Variants in GPRC5C observed in about 807,000 individuals in gnomAD.
The protein encoded by GPRC5C is G protein-coupled receptor class C group 5 member C, also known as G protein-coupled receptor family C group 5 member C.
A neutral mutation model predicts 31.4 loss-of-function variants in GPRC5C; 22 were observed. The observed-to-expected ratio is 0.70, with a 90% CI of 0.50 to 1.00. GPRC5C has a LOEUF of 1.00. Among genes scored for constraint, GPRC5C ranks in the 50% least tolerant of loss-of-function variants. The pLI, the probability that GPRC5C is intolerant of heterozygous loss-of-function variation, is 0.00. For missense variants in GPRC5C, 557 were observed against 597.2 expected, an observed-to-expected ratio of 0.93 and a Z score of 0.70; for synonymous variants, 249 against 257.5, an observed-to-expected ratio of 0.97 and a Z score of 0.32.
At chr17:74,432,601 G>A (rs896230206) in intron 1 of GPRC5C, 1 of 791,002 alleles carries the variant, frequency 1.3e-6, no homozygotes, top group Middle Eastern at 6.3e-4. Flanking sequence ...GGGCAGAGGC[G>A]GGGGGACTGG....
downstream of GPRC5C, chr17:74,449,303 C>T: frequency 8.0e-7 from 1 of 1,254,104 alleles, no homozygotes; most frequent in Non-Finnish European, 1.1e-6. Flanking sequence ...AGTAGAGTCC[C>T]CTTTGACTCT....
chr17:74,448,824 T>TA, downstream of GPRC5C: 1 of 1,266,700 alleles, frequency 7.9e-7, no homozygotes, highest in Non-Finnish European at 1.0e-6. Context: ...CTTTTACAGG[T>TA]AAGCGAACTG....
At chr17:74,433,623 C>A in intron 1 of GPRC5C, 3 of 1,125,580 alleles carry the variant, frequency 2.7e-6, no homozygotes, top group African/African-American at 1.5e-5. Context: ...GGCTGTCAGT[C>A]GGGCCATCGT....
At chr17:74,439,661 G>C (rs1338438077) in intron 1 of GPRC5C, 84 bp from the exon 2 acceptor site, 10 of 1,306,912 alleles carry the variant, frequency 7.7e-6, no homozygotes, top group Non-Finnish European at 1.1e-5. Flanking sequence ...TATCTGCCTG[G>C]GTTTAGGTTG....
chr17:74,444,014 A>T, intron 3 of GPRC5C, 102 bp downstream of exon 3: 1 of 791,702 alleles, frequency 1.3e-6, no homozygotes, highest in South Asian at 1.6e-5. Context: ...GGTTGGGTGG[A>T]GGTGGTAAGG....
chr17:74,448,949 T>A, downstream of GPRC5C: 3 of 1,235,862 alleles, frequency 2.4e-6, no homozygotes, highest in Non-Finnish European at 3.2e-6. Context: ...CTTCCAGCCA[T>A]GTGGTTGAGA....
In GPRC5C at chr17:74,440,469, G is replaced by A. The variant is rs142124696; in HGVS notation, c.693G>A (p.Leu231=). ...LGAFLGAWPA[L]CGRYKRWRKH... is the part of the protein sequence containing the mutation. Reference sequence around the variant, plus strand: ...CCTTCCTGGGGGCCTGGCCCGCCCTGTGTGGCCGCTACAAGCGCTGGCGTA... The same window carrying A: ...CCTTCCTGGGGGCCTGGCCCGCCCTATGTGGCCGCTACAAGCGCTGGCGTA... Residue 231 remains leucine (L), a synonymous_variant, in exon 2 of 4, where the codon CTG becomes CTA. Coordinates refer to ENST00000392627, the MANE Select transcript of GPRC5C (RefSeq NM_022036.4). This position sits in a 1 kb window ranked among gnomAD's most constrained non-coding sequence, Gnocchi z 4.4. 4.3e-6 allele frequency: 7 copies of A among 1,614,018 alleles called. No individual in the cohort carries two copies. The highest frequency in any genetic ancestry group is 4.5e-5 in the East Asian group (2 of 44,896).
At chr17:74,442,500 A>G (rs1322960288) in intron 2 of GPRC5C, among the ~76,000 whole-genome samples, 5 of 152,072 alleles carry the variant, frequency 3.3e-5, no homozygotes, top group African/African-American at 4.8e-5. Context: ...CTCATCTGAC[A>G]TGACCTGGAA....
chr17:74,445,772 C>T (rs2055617259), intron 3 of GPRC5C: 1 of 152,084 alleles, frequency 6.6e-6, no homozygotes, highest in South Asian at 2.1e-4. Context: ...GGAGCCGGAA[C>T]AGGTACCTCA....
intron 1 of GPRC5C, among the ~76,000 whole-genome samples, chr17:74,437,505 C>G (rs2055449966): frequency 6.6e-6 from 1 of 152,160 alleles, no homozygotes; most frequent in Non-Finnish European, 1.5e-5. Flanking sequence ...TTTCAAGTGG[C>G]ATGGAGACTA....
chr17:74,446,919 C>G lies in GPRC5C; in HGVS notation c.1217C>G (p.Ser406Trp), dbSNP rs367570368. 8.7e-6 allele frequency: 14 copies of G among 1,613,958 alleles called. No individual in the cohort carries two copies. The highest frequency in any genetic ancestry group is 1.7e-5 in the Admixed American group (1 of 60,008). Residue 406 changes from serine to tryptophan, a missense_variant, in exon 4 of 4, where the codon TCG (serine) becomes TGG (tryptophan). Transcript: ENST00000392627. ...ANSQVMGSAN[S>W]TLRAEDMYSA... Reference sequence around the variant, plus strand: ...AGCCAGGTGATGGGCAGTGCCAACTCGACCCTGCGGGCTGAAGACATGTAC... The same window carrying G: ...AGCCAGGTGATGGGCAGTGCCAACTGGACCCTGCGGGCTGAAGACATGTAC...
chr17:74,446,816 C>T (rs1237490678), intron 3 of GPRC5C, 33 bp from the exon 4 acceptor site: 8 of 1,551,808 alleles, frequency 5.2e-6, no homozygotes, highest in Non-Finnish European at 7.1e-6. Context: ...GCTCCCAATC[C>T]CCGACTGTGA....
chr17:74,434,574 A>G (rs571322451), intron 1 of GPRC5C, among the ~76,000 whole-genome samples: 2 of 152,332 alleles, frequency 1.3e-5, no homozygotes, highest in African/African-American at 4.8e-5. Context: ...GTCCTGAGGA[A>G]AAGCCTCTGA....
rs781041576 is a variant in GPRC5C at position 74,432,102 on chromosome 17, C to A, written c.-72C>A. The A allele has an allele frequency of 3.2e-5, 51 of 1,613,360 alleles. No individual in the cohort carries two copies. Among genetic ancestry groups the A allele is most frequent in the Non-Finnish European group, 4.2e-5 (50 of 1,179,856 alleles). ...CCGGCAGGGCCAGAAACTCCCATCT[C>A]CCTCACCAGCCGGAAAGTACGAGTC... On this transcript the variant is annotated 5_prime_UTR_variant, in exon 1 of 4. Transcript: ENST00000392627.
chr17:74,437,042 C>CA (rs2055442143), intron 1 of GPRC5C, among the ~76,000 whole-genome samples: 1 of 152,142 alleles, frequency 6.6e-6, no homozygotes, highest in Non-Finnish European at 1.5e-5. Context: ...CTCCCAGGTT[C>CA]AAGGGATTCT....
rs2055510284 is a variant in GPRC5C at position 74,440,306 on chromosome 17, T to A, written c.530T>A (p.Ile177Asn). The A allele has an allele frequency of 2.5e-6, 4 of 1,614,190 alleles. No individual in the cohort carries two copies. The East Asian group carries it at 8.9e-5, about 36-fold the overall frequency. The change falls in exon 2 of 4, where the codon ATC (isoleucine) becomes AAC (asparagine). Residue 177 changes from isoleucine (I) to asparagine (N), a missense_variant. Physicochemically the swap from Ile to Asn is moderately radical, Grantham distance 149. Coordinates refer to ENST00000392627, the MANE Select transcript of GPRC5C (RefSeq NM_022036.4). The surrounding 1 kb of genome is among the most constrained non-coding windows in gnomAD (Gnocchi z 4.4). ...EVIINTEWLI[I>N]TLVRGSGEGG... ...ATCATCAATACAGAGTGGCTGATCA[T>A]CACCCTGGTTCGGGGCAGTGGCGAG...
chr17:74,439,353 C>T (rs565749657), intron 1 of GPRC5C, among the ~76,000 whole-genome samples: 147 of 152,176 alleles, frequency 9.7e-4, no homozygotes, highest in Non-Finnish European at 1.9e-3. Flanking sequence ...GCCTGAAAGT[C>T]CCAGGGCAGA....
At chr17:74,433,873 G>A (rs990973011) in intron 1 of GPRC5C, 4 of 833,524 alleles carry the variant, frequency 4.8e-6, no homozygotes, top group Non-Finnish European at 6.4e-6. Flanking sequence ...ATGCTGGAGC[G>A]AGGAAGGGAG....
At chr17:74,448,754 A>G (rs74978552), downstream of GPRC5C, 7,925 of 617,772 alleles carry the variant, frequency 0.013, 422 homozygotes, top group African/African-American at 0.12. Context: ...TCCAGATTCA[A>G]AATCCCAGAA....
Sources: allele counts gnomAD v4.1 joint callset (sites outside exome capture counted in the v4.1 genomes callset), GRCh38; gene constraint gnomAD v4.1.1; non-coding constraint Gnocchi (gnomAD v3.1); transcripts MANE v1.5; gene names NCBI Gene and HGNC (gene_info 2026-07-23, HGNC 2026-07-21).